MDN1: variants seen among roughly 807,000 people sequenced by gnomAD.
The protein encoded by MDN1 is midasin.
Under a neutral mutation model 669.2 loss-of-function variants are expected in MDN1, and 266 were observed. The ratio of observed to expected loss-of-function variants is 0.40; its 90% CI spans 0.36 to 0.44. The LOEUF (loss-of-function observed/expected upper bound fraction) is 0.44, where lower values mean the gene tolerates loss of function less well. Ranked by LOEUF, MDN1 falls within the 20% of genes least tolerant of loss-of-function variation. MDN1 has a pLI of 1.00. For synonymous variants in MDN1, 2,385 were observed against 2,457.1 expected, an observed-to-expected ratio of 0.97 and a Z score of 0.87; for missense variants, 5,940 against 6,754.0, an observed-to-expected ratio of 0.88 and a Z score of 4.22.
intron 1 of MDN1, chr6:89,815,326 G>A (rs548711311): frequency 4.0e-5 from 19 of 480,176 alleles, no homozygotes; most frequent in Middle Eastern, 3.8e-4. Flanking sequence ...GCTGTCCCAA[G>A]AGCTGGATGA....
chr6:89,642,663 A>ATGTT lies in MDN1; in HGVS notation c.*1338_*1341dup, dbSNP rs1304820424. 6.6e-6 allele frequency: 1 copy of ATGTT among 152,260 alleles called. No individual in the cohort carries two copies. Among genetic ancestry groups the ATGTT allele is most frequent in the Non-Finnish European group, 1.5e-5 (1 of 68,044 alleles). The allele number at this position is 152,260 out of a possible 1,614,324, so 9.4% of individuals were successfully genotyped here. ...AGCAACATGGAAGTAGGAGGGGATC[A>ATGTT]TGTTAGCACAGCATCAACTAGTAAC... On this transcript the variant is annotated 3_prime_UTR_variant, in exon 102 of 102. Coordinates refer to ENST00000369393, the MANE Select transcript of MDN1 (RefSeq NM_014611.3).
At position 89,645,023 on chromosome 6, in the gene MDN1, T is replaced by C. The variant is rs1418821426; in HGVS notation, c.16594A>G (p.Ser5532Gly). ...TTTTAGTAGTCACTCACCCGTGAAC[T>C]GGGATTGTCCAATACAACAAAGATG... ...FVIFVVLDNP[S>G]SRDSILDIKV... The change falls in exon 101 of 102, where the codon AGT becomes GGT. Residue 5532 changes from serine to glycine, a missense_variant. Coordinates refer to ENST00000369393, the MANE Select transcript of MDN1 (RefSeq NM_014611.3). 5 of 1,589,524 alleles carry C rather than the reference T, an allele frequency of 3.1e-6. No individual in the cohort carries two copies. The highest frequency in any genetic ancestry group is 4.3e-6 in the Non-Finnish European group (5 of 1,159,342).
At chr6:89,649,228 T>C (rs1488411506) in intron 97 of MDN1, among the ~76,000 whole-genome samples, 1 of 152,246 alleles carries the variant, frequency 6.6e-6, no homozygotes, top group African/African-American at 2.4e-5. Context: ...ACATCTATTA[T>C]TTCATTTAAT....
chr6:89,814,886 C>A, intron 1 of MDN1: 1 of 492,564 alleles, frequency 2.0e-6, no homozygotes, highest in Non-Finnish European at 4.0e-6. Flanking sequence ...CTCCTAGAAA[C>A]CCCTAGAAAC....
intron 22 of MDN1, among the ~76,000 whole-genome samples, chr6:89,753,153 A>C (rs1187171251): frequency 6.6e-6 from 1 of 152,092 alleles, no homozygotes; most frequent in African/African-American, 2.4e-5. Flanking sequence ...CAAAACAAAA[A>C]AACAATATTC....
At position 89,719,198 on chromosome 6, in the gene MDN1, C is replaced by T. The variant is rs1814641544; in HGVS notation, c.5995G>A (p.Gly1999Ser). The T allele has an allele frequency of 6.2e-7, 1 of 1,613,390 alleles. No homozygotes were observed. Among genetic ancestry groups the T allele is most frequent in the Non-Finnish European group, 8.5e-7 (1 of 1,179,502 alleles). ...KVIAVFKDVF[G>S]SNSNPYMGTR... ...CCCATGTATGGGTTGGAATTTGAAC[C>T]AAACACATCCTTGAATACAGCAATG... is the stretch of plus-strand genomic sequence containing the variant. The change falls in exon 41 of 102, where the codon GGT (glycine) becomes AGT (serine). Residue 1999 changes from glycine (G) to serine (S), a missense_variant. Around this residue, in one of 5 missense-constraint regions of MDN1, gnomAD observed 2,292 missense variants for 2,638.3 expected, o/e 0.87. Transcript: ENST00000369393.
intron 8 of MDN1, among the ~76,000 whole-genome samples, 187 bp downstream of exon 8, chr6:89,787,667 G>GGA (rs1554198282): frequency 2.6e-5 from 4 of 151,156 alleles, no homozygotes; most frequent in African/African-American, 9.8e-5. Context: ...TCGGGGGGGG[G>GGA]ACCTCTTATT....
intron 1 of MDN1, among the ~76,000 whole-genome samples, chr6:89,816,021 A>C (rs1360796530): frequency 6.6e-6 from 1 of 152,206 alleles, no homozygotes; most frequent in Non-Finnish European, 1.5e-5. Context: ...TTATTTAAGA[A>C]AACTGCTTTT....
intron 76 of MDN1, among the ~76,000 whole-genome samples, chr6:89,677,102 CT>C (rs759761793): frequency 1.4e-5 from 2 of 143,960 alleles, no homozygotes; most frequent in Non-Finnish European, 3.0e-5. Flanking sequence ...TGTTTTTTTT[CT>C]TTTTTTTTGA....
intron 95 of MDN1, among the ~76,000 whole-genome samples, chr6:89,651,414 A>C (rs2128298552): frequency 6.6e-6 from 1 of 151,934 alleles, no homozygotes; most frequent in Admixed American, 6.6e-5. Context: ...CTGAAGTTTG[A>C]GACCAGCCTG....
intron 17 of MDN1, among the ~76,000 whole-genome samples, chr6:89,759,539 G>A (rs1037449989): frequency 6.6e-6 from 1 of 152,114 alleles, no homozygotes; most frequent in African/African-American, 2.4e-5. Flanking sequence ...TGAGGTGGGC[G>A]GATCACTGGA....
intron 52 of MDN1, among the ~76,000 whole-genome samples, chr6:89,706,940 C>T (rs2128310991): frequency 6.6e-6 from 1 of 151,616 alleles, no homozygotes; most frequent in Middle Eastern, 3.4e-3. Flanking sequence ...ACTATCTTTT[C>T]AATTAACAAA....
chr6:89,652,146 A>G, intron 95 of MDN1, 46 bp downstream of exon 95: 1 of 1,533,674 alleles, frequency 6.5e-7, no homozygotes, highest in Non-Finnish European at 8.9e-7. Context: ...ACAAACAAAA[A>G]AAAAGTCGAG....
chr6:89,695,575 G>T lies in MDN1; in HGVS notation c.9771+30C>A. On this transcript the variant is annotated intron_variant, in intron 61 of 101. Transcript: ENST00000369393. This position sits in a 1 kb window ranked among gnomAD's most constrained non-coding sequence, Gnocchi z 4.1. ...GCAAACCCAGCACGTCAGGGAAGGA[G>T]CCCATGCTCCATACTCTTGCCTCCC... The T allele has an allele frequency of 6.4e-7, 1 of 1,554,746 alleles. No individual in the cohort carries two copies.
At chr6:89,726,359 A>G (rs1815233421) in intron 37 of MDN1, among the ~76,000 whole-genome samples, 1 of 151,496 alleles carries the variant, frequency 6.6e-6, no homozygotes, top group African/African-American at 2.4e-5. Context: ...CAGGTGGCTG[A>G]GGCAGGAGAT....
intron 40 of MDN1, among the ~76,000 whole-genome samples, chr6:89,721,399 T>G (rs1814812478): frequency 1.3e-5 from 2 of 152,218 alleles, no homozygotes; most frequent in Non-Finnish European, 2.9e-5. Context: ...GTTCTGCTCC[T>G]GGTAACGTTT....
rs1238643958 is a variant in MDN1 at position 89,718,848 on chromosome 6, T to C, written c.6240A>G (p.Ala2080=). Residue 2080 remains alanine, a synonymous_variant, in exon 42 of 102, where the codon GCA becomes GCG. Transcript: ENST00000369393. Reference sequence around the variant, plus strand: ...TCTTTAATGTGTGGCCAGTAAGGTGTGCCAGAAGCTGGACCAGGCTGGTCT... The same window carrying C: ...TCTTTAATGTGTGGCCAGTAAGGTGCGCCAGAAGCTGGACCAGGCTGGTCT... ...VGKTSLVQLL[A]HLTGHTLKIM... is the part of the protein sequence containing the mutation. 1 of 1,614,168 alleles carries C rather than the reference T, an allele frequency of 6.2e-7. No homozygotes were observed. The highest frequency in any genetic ancestry group is 8.5e-7 in the Non-Finnish European group (1 of 1,180,026).
chr6:89,699,379 T>C (rs1812982827), intron 58 of MDN1, among the ~76,000 whole-genome samples: 1 of 152,216 alleles, frequency 6.6e-6, no homozygotes, highest in South Asian at 2.1e-4. Flanking sequence ...CTCATTTAAT[T>C]GGAAACCAAA....
Position 89,694,180 on chromosome 6 carries a change from G to A in MDN1, c.9775C>T (p.His3259Tyr). The change falls in exon 62 of 102, where the codon CAC (histidine) becomes TAC (tyrosine). Residue 3259 changes from histidine to tyrosine, a missense_variant. His to Tyr is a moderately conservative substitution (Grantham distance 83). Coordinates refer to ENST00000369393, the MANE Select transcript of MDN1 (RefSeq NM_014611.3). The part of the protein sequence containing the change: ...YKLNYVKEEL[H>Y]QLQCEWKTRN... ...GTCTTCCATTCACACTGCAGTTGGT[G>A]TAACTAATGGAAAAGAGAGAAGTTA... is the stretch of plus-strand genomic sequence containing the variant. 6.2e-7 allele frequency: 1 copy of A among 1,613,420 alleles called. No homozygotes were observed. The highest frequency in any genetic ancestry group is 8.5e-7 in the Non-Finnish European group (1 of 1,179,362).
Sources: allele counts gnomAD v4.1 joint callset (sites outside exome capture counted in the v4.1 genomes callset), GRCh38; gene constraint gnomAD v4.1.1; regional missense constraint gnomAD v4.1.1; non-coding constraint Gnocchi (gnomAD v3.1); transcripts MANE v1.5; gene names NCBI Gene and HGNC (gene_info 2026-07-23, HGNC 2026-07-21).